The following ABCA13 variants were observed in gnomAD, a reference collection of about 807,000 sequenced individuals.
The protein encoded by ABCA13 is ATP binding cassette subfamily A member 13.
A neutral mutation model predicts 478.7 loss-of-function variants in ABCA13; 476 were observed. That is an observed-to-expected ratio of 0.99 (90% CI 0.92 to 1.07). The LOEUF is 1.07. Among genes scored for constraint, ABCA13 ranks in the 50% least tolerant of loss-of-function variants. The probability of loss-of-function intolerance (pLI) is 0.00; values close to 1 mark genes in which losing one functional copy is unlikely to be tolerated. For missense variants in ABCA13, 6,060 were observed against 5,910.6 expected, an observed-to-expected ratio of 1.03 and a Z score of -0.83; for synonymous variants, 2,252 against 2,158.9, an observed-to-expected ratio of 1.04 and a Z score of -1.20.
At chr7:48,643,539 T>C in intron 60 of ABCA13, 146 bp downstream of exon 60, 1 of 644,282 alleles carries the variant, frequency 1.6e-6, no homozygotes, top group South Asian at 2.3e-5. Flanking sequence ...CCTGCCTCCC[T>C]ACCAAAAATA....
At chr7:48,352,032 G>T (rs1013810923) in intron 30 of ABCA13, 149 bp from the exon 31 acceptor site, 3 of 683,894 alleles carry the variant, frequency 4.4e-6, no homozygotes, top group Admixed American at 3.1e-5. Flanking sequence ...AGTCAGCTTT[G>T]CCACTGCGGG....
intron 27 of ABCA13, among the ~76,000 whole-genome samples, chr7:48,329,197 A>T (rs751522264): frequency 1.3e-5 from 2 of 152,238 alleles, no homozygotes; most frequent in Admixed American, 6.5e-5. Context: ...TTTTGTAAAC[A>T]TATAGATAAA....
rs1407139844 is a variant in ABCA13, at chr7:48,178,444, G to T, written c.69+6892G>T. ...AATCCCAGCACTTTGGGAAGCCGAGGAGGGCGGATCACCTGAAGTCAGGAG... is the reference window on the plus strand; with the variant it reads ...AATCCCAGCACTTTGGGAAGCCGAGTAGGGCGGATCACCTGAAGTCAGGAG... On this transcript the variant is annotated intron_variant, in intron 1 of 61. Transcript: ENST00000435803. Among the ~76,000 whole-genome samples the T allele has an allele frequency of 3.3e-5, 5 of 152,264 alleles. No individual in the cohort carries two copies. In the East Asian group the frequency reaches 9.7e-4, roughly 29 times the overall value.
chr7:48,549,088 G>A (rs1359164806), intron 55 of ABCA13, among the ~76,000 whole-genome samples: 1 of 151,738 alleles, frequency 6.6e-6, no homozygotes, highest in Admixed American at 6.6e-5. Flanking sequence ...GGATACAAGT[G>A]CAGAATGTGC....
At chr7:48,317,040 A>G (rs1802693360) in intron 26 of ABCA13, 117 bp from the exon 27 acceptor site, 5 of 1,283,400 alleles carry the variant, frequency 3.9e-6, no homozygotes, top group East Asian at 5.1e-5. Flanking sequence ...GAGTGGTGTC[A>G]GAAAAAAATA....
intron 3 of ABCA13, among the ~76,000 whole-genome samples, chr7:48,214,057 GATTTGAA>G (rs1786080056): frequency 6.6e-6 from 1 of 152,158 alleles, no homozygotes; most frequent in Admixed American, 6.5e-5. Context: ...TAAATAATAA[GATTTGAA>G]ATTTGAAGTT....
chr7:48,196,451 G>A lies in ABCA13; in HGVS notation c.164-1786G>A, dbSNP rs549401302. Among the ~76,000 whole-genome samples, 24 of 152,262 alleles carry A rather than the reference G, an allele frequency of 1.6e-4. No individual in the cohort carries two copies. In the South Asian group the frequency reaches 5.0e-3, roughly 32 times the overall value. ...AGCCCCCCATCAGCTCTGTGGGGAT[G>A]GGCATGGCGTGCAACCTTTGTGAGC... On this transcript the variant is annotated intron_variant, in intron 2 of 61. Transcript: ENST00000435803.
chr7:48,394,021 C>T (rs1326124503), intron 38 of ABCA13, among the ~76,000 whole-genome samples: 1 of 152,180 alleles, frequency 6.6e-6, no homozygotes, highest in Non-Finnish European at 1.5e-5. Flanking sequence ...CAGCTGTTCT[C>T]CCCAGATCAT....
intron 55 of ABCA13, among the ~76,000 whole-genome samples, chr7:48,548,020 T>C (rs1439767769): frequency 6.6e-6 from 1 of 151,938 alleles, no homozygotes; most frequent in Non-Finnish European, 1.5e-5. Flanking sequence ...GTGTGGCTTC[T>C]GTCATCCACG....
At chr7:48,504,015 C>G (rs1830983211) in intron 48 of ABCA13, among the ~76,000 whole-genome samples, 2 of 152,002 alleles carry the variant, frequency 1.3e-5, no homozygotes. Context: ...TCAGTTATAC[C>G]TGAATAAAGC....
intron 29 of ABCA13, among the ~76,000 whole-genome samples, chr7:48,347,005 G>A (rs965140262): frequency 1.3e-5 from 2 of 152,078 alleles, no homozygotes; most frequent in African/African-American, 4.8e-5. Context: ...GAATATCCAA[G>A]TTTAGCCTCA....
intron 1 of ABCA13, among the ~76,000 whole-genome samples, chr7:48,187,009 ATG>A (rs1034561061): frequency 1.1e-4 from 15 of 140,586 alleles, no homozygotes; most frequent in African/African-American, 1.8e-4. Context: ...GCATATATAT[ATG>A]TGTGTGTGTA....
At chr7:48,550,500 CG>C (rs1585778140) in intron 55 of ABCA13, among the ~76,000 whole-genome samples, 3 of 146,432 alleles carry the variant, frequency 2.0e-5, no homozygotes, top group East Asian at 4.0e-4. Flanking sequence ...TCAAGTGATC[CG>C]CCCCCCCTCA....
chr7:48,266,143 TA>T (rs1794842735), intron 15 of ABCA13, among the ~76,000 whole-genome samples: 1 of 151,750 alleles, frequency 6.6e-6, no homozygotes, highest in Non-Finnish European at 1.5e-5. Context: ...CAAAATATAT[TA>T]CCTTTTTATC....
intron 45 of ABCA13, among the ~76,000 whole-genome samples, chr7:48,474,194 A>T (rs1827828983): frequency 6.6e-6 from 1 of 152,188 alleles, no homozygotes; most frequent in South Asian, 2.1e-4. Context: ...GAAATACCAT[A>T]CAAATGTGTG....
At chr7:48,623,850 A>G (rs1793395668) in intron 59 of ABCA13, among the ~76,000 whole-genome samples, 1 of 152,136 alleles carries the variant, frequency 6.6e-6, no homozygotes, top group East Asian at 1.9e-4. Context: ...TCTGTTCCCA[A>G]GGAAGATAGG....
At position 48,279,498 on chromosome 7, in the gene ABCA13, A is replaced by G; in HGVS notation, c.8304A>G (p.Pro2768=). ...TGTTGATGACATTTACTCAGCATCCAAATAACCTTTTGAAAACCATAGAAA... is the reference window on the plus strand; with the variant it reads ...TGTTGATGACATTTACTCAGCATCCGAATAACCTTTTGAAAACCATAGAAA... ...SNVLMTFTQH[P]NNLLKTIETV... Residue 2768 remains proline, a synonymous_variant, in exon 18 of 62, where the codon CCA becomes CCG. Transcript: ENST00000435803. The G allele has an allele frequency of 6.2e-7, 1 of 1,613,164 alleles. No homozygotes were observed. Among genetic ancestry groups the G allele is most frequent in the Admixed American group, 1.7e-5 (1 of 59,926 alleles).
chr7:48,414,202 G>C (rs1469380863), intron 41 of ABCA13, among the ~76,000 whole-genome samples: 3 of 152,144 alleles, frequency 2.0e-5, no homozygotes, highest in Non-Finnish European at 4.4e-5. Flanking sequence ...TTCAAGTCTT[G>C]ACATGAACGG....
At chr7:48,370,824 T>C (rs1812518588) in intron 32 of ABCA13, among the ~76,000 whole-genome samples, 1 of 152,068 alleles carries the variant, frequency 6.6e-6, no homozygotes, top group South Asian at 2.1e-4. Flanking sequence ...GTCATGGAAC[T>C]GGAGAAACAA....
Sources: allele counts gnomAD v4.1 joint callset (sites outside exome capture counted in the v4.1 genomes callset), GRCh38; gene constraint gnomAD v4.1.1; transcripts MANE v1.5; gene names NCBI Gene and HGNC (gene_info 2026-07-23, HGNC 2026-07-21).